LRRC3B: variants seen among roughly 807,000 people sequenced by gnomAD.
LRRC3B encodes leucine rich repeat containing 3B.
In LRRC3B, 2 loss-of-function variants were observed where a neutral mutation model predicts 12.8. The ratio of observed to expected loss-of-function variants is 0.16; its 90% CI spans 0.06 to 0.49. The LOEUF is 0.49. Ranked by LOEUF, LRRC3B falls within the 20% of genes least tolerant of loss-of-function variation. The probability of loss-of-function intolerance (pLI) is 0.96; values close to 1 mark genes in which losing one functional copy is unlikely to be tolerated. For synonymous variants in LRRC3B, 132 were observed against 122.0 expected, an observed-to-expected ratio of 1.08 and a Z score of -0.54; for missense variants, 189 against 319.4, an observed-to-expected ratio of 0.59 and a Z score of 3.11.
At chr3:26,623,604 A>G (rs945294336) in intron 1 of LRRC3B, 2 of 152,576 alleles carry the variant, frequency 1.3e-5, no homozygotes, top group African/African-American at 4.8e-5. Flanking sequence ...TTGCCAGTCG[A>G]CTTTTCACTC....
intron 1 of LRRC3B, among the ~76,000 whole-genome samples, chr3:26,626,585 C>G (rs1199589859): frequency 1.3e-5 from 2 of 152,174 alleles, no homozygotes; most frequent in Non-Finnish European, 2.9e-5. Context: ...ATTATGCTCA[C>G]TCCTGCTGTT....
chr3:26,626,461 G>T (rs1022578991), intron 1 of LRRC3B, among the ~76,000 whole-genome samples: 3 of 152,140 alleles, frequency 2.0e-5, no homozygotes, highest in African/African-American at 7.2e-5. Flanking sequence ...TCCAGACTCA[G>T]GGAGGAGATT....
intron 1 of LRRC3B, among the ~76,000 whole-genome samples, chr3:26,657,434 C>G (rs949013533): frequency 6.6e-6 from 1 of 152,182 alleles, no homozygotes; most frequent in African/African-American, 2.4e-5. Flanking sequence ...GTCCAGTAGG[C>G]TGACACAAGA....
chr3:26,650,745 T>C (rs968578345), intron 1 of LRRC3B, among the ~76,000 whole-genome samples: 3 of 152,200 alleles, frequency 2.0e-5, no homozygotes, highest in African/African-American at 7.2e-5. Flanking sequence ...TATTAGTTAG[T>C]AAACACTGTA....
chr3:26,669,875 T>C (rs1699684348), intron 1 of LRRC3B, among the ~76,000 whole-genome samples: 2 of 152,202 alleles, frequency 1.3e-5, no homozygotes, highest in South Asian at 4.1e-4. Flanking sequence ...TTAGGTTCAG[T>C]TTGCTTCCTT....
chr3:26,642,593 T>C (rs1365241250), intron 1 of LRRC3B, among the ~76,000 whole-genome samples: 1 of 152,060 alleles, frequency 6.6e-6, no homozygotes, highest in Admixed American at 6.5e-5. Flanking sequence ...GTATAGGGTG[T>C]TCCTCAGCCA....
chr3:26,643,778 A>C (rs139036199), intron 1 of LRRC3B, among the ~76,000 whole-genome samples: 1 of 152,276 alleles, frequency 6.6e-6, no homozygotes, highest in Admixed American at 6.5e-5. Context: ...TCAGGGGACT[A>C]TATATAGCAG....
At chr3:26,667,678 C>T (rs1257182617) in intron 1 of LRRC3B, among the ~76,000 whole-genome samples, 1 of 152,108 alleles carries the variant, frequency 6.6e-6, no homozygotes, top group Non-Finnish European at 1.5e-5. Flanking sequence ...CTGGAAATAT[C>T]ATATAATATT....
rs141790717 is a variant in LRRC3B at position 26,656,255 on chromosome 3, A to C, written c.-161+33018A>C. On this transcript the variant is annotated intron_variant, in intron 1 of 1. Transcript: ENST00000396641. ...TTGCATATTGCAGCGAAGATCGTCT[A>C]ATCACTATAACAAACTGATCCAAAT... 4.2e-3 allele frequency among the ~76,000 whole-genome samples: 646 copies of C among 152,296 alleles called. 4 individuals are homozygous for C. The highest frequency in any genetic ancestry group is 0.015 in the African/African-American group (603 of 41,550).
At chr3:26,705,880 C>G (rs1700574215) in intron 1 of LRRC3B, among the ~76,000 whole-genome samples, 1 of 152,174 alleles carries the variant, frequency 6.6e-6, no homozygotes, top group Non-Finnish European at 1.5e-5. Flanking sequence ...CCTTTGGAAA[C>G]TATAGAACCA....
intron 1 of LRRC3B, among the ~76,000 whole-genome samples, chr3:26,662,593 G>A (rs1575138402): frequency 6.6e-6 from 1 of 152,120 alleles, no homozygotes; most frequent in Non-Finnish European, 1.5e-5. Context: ...CAGATAAACA[G>A]GCATGTATGT....
chr3:26,681,458 G>A (rs1297908992), intron 1 of LRRC3B, among the ~76,000 whole-genome samples: 1 of 152,170 alleles, frequency 6.6e-6, no homozygotes, highest in Non-Finnish European at 1.5e-5. Context: ...ATTCCATAAT[G>A]TCTATGAGCT....
intron 1 of LRRC3B, among the ~76,000 whole-genome samples, chr3:26,626,166 T>C (rs1199214610): frequency 1.3e-5 from 2 of 152,202 alleles, no homozygotes; most frequent in Non-Finnish European, 2.9e-5. Flanking sequence ...GTCTCAAAGT[T>C]TGTTGGGGTA....
intron 1 of LRRC3B, among the ~76,000 whole-genome samples, chr3:26,697,978 C>T (rs1425989953): frequency 6.6e-6 from 1 of 152,058 alleles, no homozygotes; most frequent in Non-Finnish European, 1.5e-5. Flanking sequence ...AACGTGGATC[C>T]CTCTTGGAAT....
chr3:26,695,883 A>C (rs1465460475), intron 1 of LRRC3B, among the ~76,000 whole-genome samples: 2 of 152,196 alleles, frequency 1.3e-5, no homozygotes, highest in Non-Finnish European at 2.9e-5. Context: ...AGGAGAGGGC[A>C]TTTCGGCCTC....
At chr3:26,662,529 A>G (rs1699513611) in intron 1 of LRRC3B, among the ~76,000 whole-genome samples, 1 of 152,096 alleles carries the variant, frequency 6.6e-6, no homozygotes, top group Non-Finnish European at 1.5e-5. Context: ...AACATTGTCC[A>G]TTCTGATTGG....
intron 1 of LRRC3B, among the ~76,000 whole-genome samples, chr3:26,669,952 A>C (rs1415310919): frequency 6.6e-6 from 1 of 152,196 alleles, no homozygotes; most frequent in East Asian, 1.9e-4. Flanking sequence ...AATGTTCATC[A>C]CATTTTCTTG....
chr3:26,706,206 C>T (rs537832642), intron 1 of LRRC3B, among the ~76,000 whole-genome samples: 1 of 152,208 alleles, frequency 6.6e-6, no homozygotes, highest in East Asian at 1.9e-4. Flanking sequence ...GATGGCTCTG[C>T]TTTCATGACC....
chr3:26,700,634 T>G (rs1422925235), intron 1 of LRRC3B, among the ~76,000 whole-genome samples: 1 of 152,234 alleles, frequency 6.6e-6, no homozygotes, highest in Non-Finnish European at 1.5e-5. Flanking sequence ...TTAGAGCTTT[T>G]GACTTGGAAG....
Sources: allele counts gnomAD v4.1 joint callset (sites outside exome capture counted in the v4.1 genomes callset), GRCh38; gene constraint gnomAD v4.1.1; transcripts MANE v1.5; gene names NCBI Gene and HGNC (gene_info 2026-07-23, HGNC 2026-07-21).